The following HEATR6 variants were observed in gnomAD, a reference collection of about 807,000 sequenced individuals.
HEATR6 encodes the protein HEAT repeat-containing protein 6.
In HEATR6, 106 loss-of-function variants were observed where a neutral mutation model predicts 132.8. That is an observed-to-expected ratio of 0.80 (90% CI 0.68 to 0.94). The LOEUF (loss-of-function observed/expected upper bound fraction) is 0.94. Among genes scored for constraint, HEATR6 ranks in the 40% least tolerant of loss-of-function variants. The probability of loss-of-function intolerance (pLI) is 0.00; values close to 1 mark genes in which losing one functional copy is unlikely to be tolerated. For synonymous variants in HEATR6, 529 were observed against 537.8 expected (o/e 0.98, Z 0.23); for missense variants, 1,339 against 1,425.1 (o/e 0.94, Z 0.97).
chr17:60,073,682 C>A, intron 3 of HEATR6, 64 bp downstream of exon 3: 1 of 1,492,284 alleles, frequency 6.7e-7, no homozygotes, highest in South Asian at 1.2e-5. Context: ...AACCTGAACA[C>A]AGTGTTGGCA....
At chr17:60,049,122 A>T (rs976186216) in intron 16 of HEATR6, among the ~76,000 whole-genome samples, 17 of 134,842 alleles carry the variant, frequency 1.3e-4, no homozygotes, top group Admixed American at 3.0e-4. Flanking sequence ...AGAGACAGAG[A>T]GTGTGTGTGT....
intron 9 of HEATR6, among the ~76,000 whole-genome samples, chr17:60,060,307 T>G (rs1477975236): frequency 6.6e-6 from 1 of 152,106 alleles, no homozygotes; most frequent in Non-Finnish European, 1.5e-5. Context: ...AGAGACACAG[T>G]CTCGCTCTGT....
chr17:60,060,070 T>G lies in HEATR6; in HGVS notation c.1443A>C (p.Leu481Phe), dbSNP rs757007946. The change falls in exon 10 of 20, where the codon TTA becomes TTC. Residue 481 changes from leucine (L) to phenylalanine (F), a missense_variant. Transcript: ENST00000184956. ...GCTTTGAGCCTTCCAAGATGGCAGATAAAACTTGCAGAGCACAGGCACGTG... is the reference window on the plus strand; with the variant it reads ...GCTTTGAGCCTTCCAAGATGGCAGAGAAAACTTGCAGAGCACAGGCACGTG... Reference protein sequence around the residue: ...PKTRACALQVLSAILEGSKQF... With the variant: ...PKTRACALQVFSAILEGSKQF... 9 of 1,613,912 alleles carry G rather than the reference T, an allele frequency of 5.6e-6. No homozygotes were observed. The South Asian group carries it at 9.9e-5, about 18-fold the overall frequency.
chr17:60,069,722 G>A lies in HEATR6; in HGVS notation c.928C>T (p.Arg310Ter), dbSNP rs199883472. Reference protein sequence around the residue: ...KPQQSESSASRPTLNKKKKSK... With the variant: ...KPQQSESSAS Reference sequence around the variant, plus strand: ...AAACATAAATGTACCAAAGTTGGTCGAGAAGCACTGGATTCTGATTGCTGT... The same window carrying A: ...AAACATAAATGTACCAAAGTTGGTCAAGAAGCACTGGATTCTGATTGCTGT... Residue 310 changes from arginine (R) to a stop codon, truncating the protein, a stop_gained, in exon 7 of 20, where the codon CGA (arginine) becomes TGA (stop). Coordinates refer to ENST00000184956, the MANE Select transcript of HEATR6 (RefSeq NM_022070.5). LOFTEE classifies it high-confidence loss of function. 309 of 1,613,866 alleles carry A rather than the reference G, an allele frequency of 1.9e-4. No homozygotes were observed. The highest frequency in any genetic ancestry group is 2.4e-4 in the Non-Finnish European group (286 of 1,179,902).
rs762790814 is a variant in HEATR6, at chr17:60,073,700, C to G, written c.468+46G>C. 1.9e-6 allele frequency: 3 copies of G among 1,589,232 alleles called. No individual in the cohort carries two copies. In the African/African-American group the frequency reaches 4.0e-5, roughly 21 times the overall value. ...CTGAACACAGTGTTGGCACCAGAGT[C>G]TGTGCTCCTGGCCTTTCAAAGGAAG... is the stretch of plus-strand genomic sequence containing the variant. On this transcript the variant is annotated intron_variant, in intron 3 of 19. Coordinates refer to ENST00000184956, the MANE Select transcript of HEATR6 (RefSeq NM_022070.5).
In HEATR6 at chr17:60,073,189, G is replaced by A; in HGVS notation, c.559C>T (p.His187Tyr). The change falls in exon 4 of 20, where the codon CAT becomes TAT. Residue 187 changes from histidine to tyrosine, a missense_variant. By Grantham distance (83) the His-to-Tyr change is moderately conservative (BLOSUM62 2). Coordinates refer to ENST00000184956, the MANE Select transcript of HEATR6 (RefSeq NM_022070.5). ...CTGAGACATAAGTTTGCCATACAAT[G>A]TACTGCAGCTCTCCTGACTTCAGGA... ...SDPEVRRAAV[H>Y]CMANLCLSVP... The A allele has an allele frequency of 2.5e-6, 4 of 1,610,796 alleles. No homozygotes were observed. Among genetic ancestry groups the A allele is most frequent in the East Asian group, 2.2e-5 (1 of 44,854 alleles).
At chr17:60,062,701 T>C (rs547489205) in intron 9 of HEATR6, among the ~76,000 whole-genome samples, 21 of 152,288 alleles carry the variant, frequency 1.4e-4, no homozygotes, top group African/African-American at 4.8e-4. Flanking sequence ...CATTTCAACA[T>C]TGTGTCAGGG....
intron 2 of HEATR6, among the ~76,000 whole-genome samples, chr17:60,074,908 G>A (rs2083289126): frequency 6.6e-6 from 1 of 152,130 alleles, no homozygotes; most frequent in Non-Finnish European, 1.5e-5. Context: ...CCTGATGTAG[G>A]CTAACTGTGG....
intron 8 of HEATR6, 122 bp from the exon 9 acceptor site, chr17:60,066,508 T>A (rs1378807061): frequency 1.4e-6 from 1 of 731,706 alleles, no homozygotes; most frequent in East Asian, 2.8e-5. Flanking sequence ...TTAAACATTC[T>A]AAATAATTCC....
intron 14 of HEATR6, among the ~76,000 whole-genome samples, chr17:60,055,264 A>T (rs1906706079): frequency 6.6e-6 from 1 of 152,204 alleles, no homozygotes; most frequent in Non-Finnish European, 1.5e-5. Context: ...ACTAGGTTTT[A>T]TGCAAAAGAA....
chr17:60,057,126 A>G lies in HEATR6; in HGVS notation c.2001T>C (p.Asp667=), dbSNP rs1439039524. The change falls in exon 12 of 20, where the codon GAT becomes GAC. Residue 667 remains aspartate (D), a synonymous_variant. Coordinates refer to ENST00000184956, the MANE Select transcript of HEATR6 (RefSeq NM_022070.5). ...AGCCAGCATCGCTACCTGAACAGGA[A>G]TCCTCCTTGGGCAGTACGACAATGG... is the stretch of plus-strand genomic sequence containing the variant. ...CISIVVLPKE[D]SCSGSDAGSA... is the part of the protein sequence containing the mutation. 6.2e-7 allele frequency: 1 copy of G among 1,614,058 alleles called. No homozygotes were observed. The highest frequency in any genetic ancestry group is 1.3e-5 in the African/African-American group (1 of 74,928).
At chr17:60,059,273 C>A (rs768636576) in intron 11 of HEATR6, 149 bp downstream of exon 11, 2 of 510,860 alleles carry the variant, frequency 3.9e-6, no homozygotes, top group Admixed American at 3.8e-5. Flanking sequence ...ACAGCTTATA[C>A]CCCTGAAAAG....
chr17:60,078,852 TTCCCGCGGTGCC>T lies in HEATR6; in HGVS notation c.51_62del (p.Pro19_Ala22del), dbSNP rs757728176. On this transcript the variant is annotated inframe_deletion, in exon 1 of 20. Coordinates refer to ENST00000184956, the MANE Select transcript of HEATR6 (RefSeq NM_022070.5). ...ACCCATTGCCTCGCTCAGGGATTGC[TTCCCGCGGTGCC>T]TCCCGCGGCTGCACGGAAGGCCACG... is the stretch of plus-strand genomic sequence containing the variant. 1 of 1,453,746 alleles carries T rather than the reference TTCCCGCGGTGCC, an allele frequency of 6.9e-7. No individual in the cohort carries two copies. 90.1% of individuals were successfully genotyped at this position (1,453,746 alleles called of 1,614,324 possible). A position where few individuals can be genotyped will look rare whatever the true frequency, so the allele number is the denominator to read the frequency against.
intron 14 of HEATR6, among the ~76,000 whole-genome samples, chr17:60,053,440 G>A (rs1309591068): frequency 6.6e-6 from 1 of 152,212 alleles, no homozygotes; most frequent in Non-Finnish European, 1.5e-5. Context: ...GGAATGGGGT[G>A]TTGTTATAAA....
chr17:60,057,244 T>C lies in HEATR6; in HGVS notation c.1883A>G (p.Lys628Arg), dbSNP rs1289845930. The change falls in exon 12 of 20, where the codon AAG becomes AGG. Residue 628 changes from lysine to arginine, a missense_variant. Transcript: ENST00000184956. The stretch of plus-strand genomic sequence containing the variant: ...CAGAGAGGGTCCTGCAGGGGCTTTC[T>C]TCCACCAATCAGGAGGGCTGAGGTG... ...TPHLSPPDWW[K>R]KAPAGPSLEE... The C allele has an allele frequency of 1.9e-5, 30 of 1,614,084 alleles. No individual in the cohort carries two copies. The highest frequency in any genetic ancestry group is 5.3e-5 in the African/African-American group (4 of 74,928).
chr17:60,066,357 G>C lies in HEATR6; in HGVS notation c.1268C>G (p.Ala423Gly), dbSNP rs780891622. The change falls in exon 9 of 20, where the codon GCC (alanine) becomes GGC (glycine). Residue 423 changes from alanine (A) to glycine (G), a missense_variant. By Grantham distance (60) the Ala-to-Gly change is moderately conservative. Coordinates refer to ENST00000184956, the MANE Select transcript of HEATR6 (RefSeq NM_022070.5). ...RSYQAKVRQG[A>G]LVCFLSTIKS... ...TATAGTAGAAAGAAAACAAACTAAG[G>C]CTCCTTGGCGAACTTTAGCTTGGTA... is the stretch of plus-strand genomic sequence containing the variant. 62 of 1,610,942 alleles carry C rather than the reference G, an allele frequency of 3.8e-5. No homozygotes were observed. Among genetic ancestry groups the C allele is most frequent in the Non-Finnish European group, 4.6e-5 (54 of 1,179,122 alleles).
chr17:60,073,273 G>A lies in HEATR6; in HGVS notation c.475C>T (p.Pro159Ser). Reference protein sequence around the residue: ...CNGSKCQKYLPELLGNTGLLM... With the variant: ...CNGSKCQKYLSELLGNTGLLM... Reference sequence around the variant, plus strand: ...AGTCCGGTGTTGCCTAGCAGCTCTGGGAGGTACTAAGAAAAATAAGAGTCA... The same window carrying A: ...AGTCCGGTGTTGCCTAGCAGCTCTGAGAGGTACTAAGAAAAATAAGAGTCA... Residue 159 changes from proline to serine, a missense_variant, in exon 4 of 20, where the codon CCA becomes TCA. Physicochemically the swap from Pro to Ser is moderately conservative, Grantham distance 74. Coordinates refer to ENST00000184956, the MANE Select transcript of HEATR6 (RefSeq NM_022070.5). 1 of 1,595,434 alleles carries A rather than the reference G, an allele frequency of 6.3e-7. No individual in the cohort carries two copies. Among genetic ancestry groups the A allele is most frequent in the South Asian group, 1.1e-5 (1 of 90,716 alleles).
At chr17:60,066,127 A>G (rs1258810284) in intron 9 of HEATR6, 82 bp downstream of exon 9, 2 of 1,192,516 alleles carry the variant, frequency 1.7e-6, no homozygotes, top group African/African-American at 3.1e-5. Context: ...TATTCAGATC[A>G]GACAGGATAA....
At chr17:60,076,279 C>A in intron 1 of HEATR6, 42 bp from the exon 2 acceptor site, 1 of 1,067,200 alleles carries the variant, frequency 9.4e-7, no homozygotes, top group Non-Finnish European at 1.4e-6. Context: ...ACTTATTAGT[C>A]AAGTGAAGAT....
Sources: allele counts gnomAD v4.1 joint callset (sites outside exome capture counted in the v4.1 genomes callset), GRCh38; gene constraint gnomAD v4.1.1; transcripts MANE v1.5; gene names NCBI Gene and HGNC (gene_info 2026-07-23, HGNC 2026-07-21).